The following MKLN1 variants were observed in gnomAD, a reference collection of about 807,000 sequenced individuals.
The protein encoded by MKLN1 is muskelin.
In MKLN1, 18 loss-of-function variants were observed where a neutral mutation model predicts 99.0. That is an observed-to-expected ratio of 0.18 (90% CI 0.13 to 0.27). The LOEUF (loss-of-function observed/expected upper bound fraction) is 0.27, where lower values mean the gene tolerates loss of function less well. Among genes scored for constraint, MKLN1 ranks in the 10% least tolerant of loss-of-function variants. MKLN1 has a pLI of 1.00. For synonymous variants in MKLN1, 288 were observed against 293.2 expected (o/e 0.98, Z 0.18); for missense variants, 621 against 875.9 (o/e 0.71, Z 3.67).
intron 1 of MKLN1, among the ~76,000 whole-genome samples, chr7:131,129,123 A>G (rs1795511276): frequency 6.6e-6 from 1 of 152,186 alleles, no homozygotes; most frequent in South Asian, 2.1e-4. Flanking sequence ...AAAATGGTCC[A>G]GTTTCATTAT....
intron 3 of MKLN1, among the ~76,000 whole-genome samples, chr7:131,252,057 T>C (rs551016056): frequency 6.6e-6 from 1 of 152,274 alleles, no homozygotes; most frequent in Non-Finnish European, 1.5e-5. Flanking sequence ...TGGTAGACCA[T>C]GACCAGAAGA....
intron 16 of MKLN1, among the ~76,000 whole-genome samples, chr7:131,476,020 A>C (rs1345110340): frequency 6.6e-6 from 1 of 152,206 alleles, no homozygotes; most frequent in African/African-American, 2.4e-5. Flanking sequence ...AATTCAGTGT[A>C]ATTCACCATG....
At chr7:131,224,997 C>T (rs1367283278) in intron 3 of MKLN1, among the ~76,000 whole-genome samples, 2 of 150,728 alleles carry the variant, frequency 1.3e-5, no homozygotes, top group African/African-American at 4.9e-5. Context: ...GGTGCGAACC[C>T]GGGAGGCGGA....
chr7:131,299,511 A>G (rs13438360), intron 3 of MKLN1, among the ~76,000 whole-genome samples: 8,172 of 152,266 alleles, frequency 0.054, 691 homozygotes, highest in African/African-American at 0.18. Context: ...TGCTTTTAAA[A>G]CTAATAGAAT....
chr7:131,391,890 A>G (rs1794206244), intron 4 of MKLN1, among the ~76,000 whole-genome samples: 1 of 152,198 alleles, frequency 6.6e-6, no homozygotes, highest in South Asian at 2.1e-4. Flanking sequence ...TCTTACATGT[A>G]GTATTCTAGG....
intron 1 of MKLN1, among the ~76,000 whole-genome samples, chr7:131,355,922 A>C (rs1159549255): frequency 1.3e-5 from 2 of 151,932 alleles, no homozygotes; most frequent in Non-Finnish European, 2.9e-5. Context: ...TTCATCTACA[A>C]ACACTCTAAT....
intron 3 of MKLN1, among the ~76,000 whole-genome samples, chr7:131,288,776 C>A (rs1798171553): frequency 1.3e-5 from 2 of 152,256 alleles, no homozygotes; most frequent in South Asian, 4.1e-4. Context: ...CTATTCTTTT[C>A]TCATCTCACA....
chr7:131,139,279 T>C (rs1584785799), intron 1 of MKLN1, among the ~76,000 whole-genome samples: 1 of 152,148 alleles, frequency 6.6e-6, no homozygotes, highest in South Asian at 2.1e-4. Context: ...TACAGCATCA[T>C]TGTGGCCTCT....
chr7:131,142,660 G>A (rs1474878918), intron 1 of MKLN1, among the ~76,000 whole-genome samples: 6 of 151,866 alleles, frequency 4.0e-5, no homozygotes, highest in African/African-American at 1.2e-4. Context: ...GCGTGAACCC[G>A]GGAAGCAGAG....
chr7:131,493,812 A>T lies in MKLN1; in HGVS notation c.*6084A>T, dbSNP rs1797483742. 6.6e-6 allele frequency: 1 copy of T among 152,202 alleles called. No individual in the cohort carries two copies. The highest frequency in any genetic ancestry group is 1.5e-5 in the Non-Finnish European group (1 of 68,026). 9.4% of individuals were successfully genotyped at this position (152,202 alleles called of 1,614,324 possible). On this transcript the variant is annotated 3_prime_UTR_variant, in exon 18 of 18. Coordinates refer to ENST00000352689, the MANE Select transcript of MKLN1 (RefSeq NM_013255.5). ...AGCAGTCACAGCAGTTAGCTCAGAT[A>T]TCTGAGCTGTCTGCCACACAAAGCC...
intron 3 of MKLN1, among the ~76,000 whole-genome samples, chr7:131,222,945 G>C (rs572545879): frequency 6.6e-6 from 1 of 152,206 alleles, no homozygotes; most frequent in East Asian, 1.9e-4. Context: ...GGGAGGCTGA[G>C]GCATGAGAAT....
chr7:131,346,280 T>A (rs1418427146), intron 1 of MKLN1, among the ~76,000 whole-genome samples: 2 of 152,206 alleles, frequency 1.3e-5, no homozygotes, highest in South Asian at 2.1e-4. Context: ...CCCAGCACTT[T>A]GGGAGGCCAA....
At chr7:131,225,945 T>C (rs1419588221) in intron 3 of MKLN1, among the ~76,000 whole-genome samples, 1 of 152,146 alleles carries the variant, frequency 6.6e-6, no homozygotes, top group Non-Finnish European at 1.5e-5. Flanking sequence ...ACTTGTGAAC[T>C]GGTGGGCTGG....
At chr7:131,431,896 G>C (rs980148461) in intron 9 of MKLN1, among the ~76,000 whole-genome samples, 18 of 151,956 alleles carry the variant, frequency 1.2e-4, no homozygotes, top group East Asian at 3.9e-4. Flanking sequence ...TCCTTGTTTG[G>C]AATTAACAGA....
intron 1 of MKLN1, among the ~76,000 whole-genome samples, chr7:131,132,404 G>C (rs1563225773): frequency 6.6e-6 from 1 of 152,176 alleles, no homozygotes; most frequent in Non-Finnish European, 1.5e-5. Flanking sequence ...GTTATCCAGA[G>C]GAGAGCAGCC....
intron 3 of MKLN1, among the ~76,000 whole-genome samples, chr7:131,228,434 T>G (rs1797189791): frequency 6.6e-6 from 1 of 152,158 alleles, no homozygotes; most frequent in Non-Finnish European, 1.5e-5. Flanking sequence ...TATGTCAACA[T>G]TTAAAAAATA....
At chr7:131,431,541 A>G (rs1795522109) in intron 9 of MKLN1, among the ~76,000 whole-genome samples, 1 of 152,152 alleles carries the variant, frequency 6.6e-6, no homozygotes, top group African/African-American at 2.4e-5. Context: ...TAGGCTAGCC[A>G]GAGCTTGTTC....
intron 3 of MKLN1, among the ~76,000 whole-genome samples, chr7:131,209,224 T>C (rs1796863485): frequency 6.6e-6 from 1 of 152,224 alleles, no homozygotes; most frequent in East Asian, 1.9e-4. Context: ...CATTTAAGCA[T>C]GGCTGGCCAT....
At chr7:131,443,777 T>A in intron 11 of MKLN1, 75 bp downstream of exon 11, 1 of 1,135,046 alleles carries the variant, frequency 8.8e-7, no homozygotes, top group Non-Finnish European at 1.3e-6. Context: ...TGGTGAAATC[T>A]AATTCTTTAG....
Sources: gnomAD v4.1 joint callset for allele counts (sites outside exome capture counted in the v4.1 genomes callset) on GRCh38, gnomAD v4.1.1 for gene constraint, MANE v1.5 for transcripts, NCBI Gene and HGNC (gene_info 2026-07-23, HGNC 2026-07-21) for gene names.